CEP112: variants seen among roughly 807,000 people sequenced by gnomAD.
CEP112 encodes the protein centrosomal protein of 112 kDa.
Under a neutral mutation model 153.0 loss-of-function variants are expected in CEP112, and 127 were observed. The observed-to-expected ratio is 0.83, with a 90% CI of 0.72 to 0.96. The LOEUF (loss-of-function observed/expected upper bound fraction) is 0.96, where lower values mean the gene tolerates loss of function less well. CEP112 is among the 40% of genes least tolerant of loss of function. The pLI, the probability that CEP112 is intolerant of heterozygous loss-of-function variation, is 0.00. For synonymous variants in CEP112, 358 were observed against 374.4 expected, an observed-to-expected ratio of 0.96 and a Z score of 0.51; for missense variants, 1,089 against 1,101.2, an observed-to-expected ratio of 0.99 and a Z score of 0.16.
At chr17:65,800,283 C>T (rs1488907487) in intron 21 of CEP112, among the ~76,000 whole-genome samples, 3 of 152,054 alleles carry the variant, frequency 2.0e-5, no homozygotes, top group African/African-American at 4.8e-5. Flanking sequence ...CCATTTCCCT[C>T]GACTGAAACT....
chr17:65,640,866 ATTGATTTCTGG>A, intron 25 of CEP112, 87 bp downstream of exon 25: 1 of 755,330 alleles, frequency 1.3e-6, no homozygotes, highest in South Asian at 1.6e-5. Flanking sequence ...ATGACATCAC[ATTGATTTCTGG>A]CAACAATTTG....
chr17:65,970,206 G>A (rs201421999), intron 17 of CEP112, among the ~76,000 whole-genome samples: 24 of 129,770 alleles, frequency 1.8e-4, no homozygotes, highest in African/African-American at 6.5e-4. Flanking sequence ...CTGCATGCAT[G>A]TCATGCATGC....
intron 8 of CEP112, among the ~76,000 whole-genome samples, chr17:66,082,658 G>A (rs553718981): frequency 2.0e-5 from 3 of 152,000 alleles, no homozygotes; most frequent in African/African-American, 7.2e-5. Context: ...AGCTACTTGG[G>A]AGGCTGAGGA....
At chr17:65,979,025 AG>A (rs1170297494) in intron 17 of CEP112, among the ~76,000 whole-genome samples, 2 of 152,122 alleles carry the variant, frequency 1.3e-5, no homozygotes, top group Non-Finnish European at 2.9e-5. Context: ...TGCTTCTTGG[AG>A]GGTTAAGCCA....
At chr17:66,076,100 G>T (rs770742338) in intron 8 of CEP112, among the ~76,000 whole-genome samples, 1 of 152,172 alleles carries the variant, frequency 6.6e-6, no homozygotes, top group Non-Finnish European at 1.5e-5. Context: ...GGTACCACAG[G>T]GACCTTTTGC....
chr17:65,820,349 T>G (rs1207794068), intron 21 of CEP112, among the ~76,000 whole-genome samples: 1 of 152,122 alleles, frequency 6.6e-6, no homozygotes, highest in Non-Finnish European at 1.5e-5. Flanking sequence ...TTACCATGCA[T>G]GACTAGATAG....
chr17:66,064,840 T>C (rs2067054181), intron 10 of CEP112, among the ~76,000 whole-genome samples: 1 of 152,226 alleles, frequency 6.6e-6, no homozygotes, highest in Non-Finnish European at 1.5e-5. Context: ...AAAATATTTT[T>C]CTAGACACTG....
rs541428490 is a variant in CEP112 at position 65,652,779 on chromosome 17, C to T, written c.2698-11714G>A. Among the ~76,000 whole-genome samples the T allele has an allele frequency of 2.0e-5, 3 of 152,176 alleles. No individual in the cohort carries two copies. The East Asian group carries it at 5.8e-4, about 29-fold the overall frequency. Reference sequence around the variant, plus strand: ...TATATATATTTGAAAAACAGTAGTGCCTGTTTATCCAGGATACCAACAATG... The same window carrying T: ...TATATATATTTGAAAAACAGTAGTGTCTGTTTATCCAGGATACCAACAATG... On this transcript the variant is annotated intron_variant, in intron 24 of 26. Transcript: ENST00000535342.
chr17:65,673,941 A>G (rs548829942), intron 24 of CEP112, among the ~76,000 whole-genome samples: 12 of 152,166 alleles, frequency 7.9e-5, no homozygotes, highest in Non-Finnish European at 1.8e-4. Flanking sequence ...TAGTGGCACA[A>G]TCTTGGCTCA....
chr17:65,750,956 G>C, intron 21 of CEP112: 2 of 438,502 alleles, frequency 4.6e-6, no homozygotes, highest in Admixed American at 3.9e-5. Flanking sequence ...GACTTCTGTG[G>C]ATAGAAAGAG....
At chr17:66,111,341 C>A (rs2069032945) in intron 6 of CEP112, among the ~76,000 whole-genome samples, 1 of 152,162 alleles carries the variant, frequency 6.6e-6, no homozygotes, top group Non-Finnish European at 1.5e-5. Context: ...TTTGACCCAG[C>A]AACCCCATTA....
At chr17:66,102,518 C>T (rs1473238710) in intron 6 of CEP112, among the ~76,000 whole-genome samples, 2 of 151,942 alleles carry the variant, frequency 1.3e-5, no homozygotes, top group Non-Finnish European at 2.9e-5. Flanking sequence ...AAAATTCAGG[C>T]CAGGCATGGT....
rs570588658 is a variant in CEP112 at position 65,847,600 on chromosome 17, G to A, written c.2394+4204C>T. On this transcript the variant is annotated intron_variant, in intron 21 of 26. Transcript: ENST00000535342. ...CTGTCACTCATTCATGTCATACCCGGAGGGCACCTGCCCCGAGCTGGGTTT... is the reference window on the plus strand; with the variant it reads ...CTGTCACTCATTCATGTCATACCCGAAGGGCACCTGCCCCGAGCTGGGTTT... Among the ~76,000 whole-genome samples, 26 of 152,256 alleles carry A rather than the reference G, an allele frequency of 1.7e-4. No individual in the cohort carries two copies. In the South Asian group the frequency reaches 5.4e-3, roughly 32 times the overall value.
chr17:65,636,319 A>T (rs2044766388), intron 26 of CEP112, among the ~76,000 whole-genome samples: 1 of 152,228 alleles, frequency 6.6e-6, no homozygotes, highest in African/African-American at 2.4e-5. Context: ...AAAAGGTCTC[A>T]TGCATCCCCA....
At position 66,176,940 on chromosome 17, in the gene CEP112, G is replaced by A. The variant is rs141293697; in HGVS notation, c.187C>T (p.Arg63Trp). Residue 63 changes from arginine to tryptophan, a missense_variant, in exon 3 of 27, where the codon CGG (arginine) becomes TGG (tryptophan). Arg to Trp is a moderately radical substitution (Grantham distance 101). Coordinates refer to ENST00000535342, the MANE Select transcript of CEP112 (RefSeq NM_001199165.4). ...TGAGIMGRKN[R>W]NLYAKLLLHM... ...AATAACAATTTTGCATACAGGTTCCGATTCTTCCTCCCCATTATTCCTGCA... is the reference window on the plus strand; with the variant it reads ...AATAACAATTTTGCATACAGGTTCCAATTCTTCCTCCCCATTATTCCTGCA... 14 of 1,613,750 alleles carry A rather than the reference G, an allele frequency of 8.7e-6. No individual in the cohort carries two copies. Among genetic ancestry groups the A allele is most frequent in the Non-Finnish European group, 1.0e-5 (12 of 1,179,884 alleles).
intron 21 of CEP112, among the ~76,000 whole-genome samples, chr17:65,848,788 G>A (rs565960153): frequency 5.9e-5 from 9 of 152,234 alleles, no homozygotes; most frequent in African/African-American, 1.7e-4. Flanking sequence ...ATTCCTGATC[G>A]ATTTATATTT....
intron 23 of CEP112, among the ~76,000 whole-genome samples, chr17:65,696,848 G>A (rs1489376393): frequency 2.0e-5 from 3 of 151,944 alleles, no homozygotes; most frequent in Non-Finnish European, 4.4e-5. Context: ...AAAAAATGAG[G>A]TCATCATATC....
chr17:65,775,339 AG>A (rs1230581276), intron 21 of CEP112, among the ~76,000 whole-genome samples: 2 of 152,098 alleles, frequency 1.3e-5, no homozygotes, highest in Non-Finnish European at 2.9e-5. Flanking sequence ...TGTCCTCACC[AG>A]ATCAGTGCTG....
intron 6 of CEP112, among the ~76,000 whole-genome samples, chr17:66,110,651 AG>A (rs2068987081): frequency 6.6e-6 from 1 of 151,272 alleles, no homozygotes; most frequent in Non-Finnish European, 1.5e-5. Flanking sequence ...GCCTCAATCT[AG>A]AAAAGATTTG....
Sources: allele counts gnomAD v4.1 joint callset (sites outside exome capture counted in the v4.1 genomes callset), GRCh38; gene constraint gnomAD v4.1.1; transcripts MANE v1.5; gene names NCBI Gene and HGNC (gene_info 2026-07-23, HGNC 2026-07-21).